Variants in ERP44 observed in about 807,000 individuals in gnomAD.
ERP44 encodes the protein endoplasmic reticulum protein 44.
ERP44 carries 25 observed loss-of-function variants against 53.4 expected under a neutral mutation model. That is an observed-to-expected ratio of 0.47 (90% CI 0.34 to 0.65). The LOEUF (loss-of-function observed/expected upper bound fraction) is 0.65. Ranked by LOEUF, ERP44 falls within the 30% of genes least tolerant of loss-of-function variation. ERP44 has a pLI of 0.01. For missense variants in ERP44, 338 were observed against 493.2 expected (o/e 0.69, Z 2.98); for synonymous variants, 145 against 161.2 (o/e 0.90, Z 0.76).
At chr9:100,093,974 C>T (rs1375749677) in intron 1 of ERP44, among the ~76,000 whole-genome samples, 2 of 152,184 alleles carry the variant, frequency 1.3e-5, no homozygotes, top group African/African-American at 2.4e-5. Flanking sequence ...TTCAAATATA[C>T]AGCAATACCT....
intron 1 of ERP44, among the ~76,000 whole-genome samples, chr9:100,084,815 G>A (rs73656932): frequency 0.013 from 1,982 of 152,202 alleles, 35 homozygotes; most frequent in African/African-American, 0.046. Context: ...ACCACAATCC[G>A]TTTTGCATTA....
At chr9:100,009,276 T>C (rs1296475642) in intron 8 of ERP44, among the ~76,000 whole-genome samples, 1 of 152,128 alleles carries the variant, frequency 6.6e-6, no homozygotes. Flanking sequence ...CATGCCCAGC[T>C]AATTTTTTTG....
chr9:100,030,584 G>T (rs1461137912), intron 4 of ERP44, among the ~76,000 whole-genome samples: 3 of 152,170 alleles, frequency 2.0e-5, no homozygotes, highest in African/African-American at 4.8e-5. Flanking sequence ...ACTCAGTAAA[G>T]TTCCTCTCAG....
At chr9:100,013,125 G>A (rs1830493004) in intron 8 of ERP44, among the ~76,000 whole-genome samples, 1 of 152,188 alleles carries the variant, frequency 6.6e-6, no homozygotes, top group Non-Finnish European at 1.5e-5. Context: ...CTAAGAGCTG[G>A]AAGCCTCTGG....
intron 10 of ERP44, among the ~76,000 whole-genome samples, chr9:99,995,125 T>TA (rs926840634): frequency 7.6e-4 from 113 of 148,188 alleles, no homozygotes; most frequent in African/African-American, 2.0e-3. Context: ...AAATGGAACT[T>TA]AAAAAAAAAA....
intron 11 of ERP44, 90 bp downstream of exon 11, chr9:99,984,877 C>G: frequency 4.4e-6 from 3 of 688,376 alleles, no homozygotes; most frequent in Non-Finnish European, 2.5e-6. Context: ...AGCTGAAGCT[C>G]AAGCTGATGC....
chr9:99,987,794 G>A (rs990789566), intron 10 of ERP44, among the ~76,000 whole-genome samples: 1 of 150,002 alleles, frequency 6.7e-6, no homozygotes, highest in Non-Finnish European at 1.5e-5. Flanking sequence ...TGGCATTATT[G>A]CATTTGGGAT....
At chr9:99,988,147 T>A (rs954939060) in intron 10 of ERP44, among the ~76,000 whole-genome samples, 1 of 152,230 alleles carries the variant, frequency 6.6e-6, no homozygotes, top group African/African-American at 2.4e-5. Flanking sequence ...AGTATTTTAA[T>A]TTAGGCATTC....
chr9:99,998,078 TG>T (rs1830332767), intron 10 of ERP44, among the ~76,000 whole-genome samples: 1 of 152,220 alleles, frequency 6.6e-6, no homozygotes, highest in Non-Finnish European at 1.5e-5. Flanking sequence ...CAAATACTAG[TG>T]TATAACAGGA....
intron 1 of ERP44, among the ~76,000 whole-genome samples, chr9:100,079,191 G>A (rs879743613): frequency 3.3e-5 from 5 of 152,136 alleles, no homozygotes; most frequent in Non-Finnish European, 7.4e-5. Flanking sequence ...TGCCAGCATG[G>A]CCAGGACATA....
chr9:99,999,027 C>T, intron 10 of ERP44: 1 of 936,306 alleles, frequency 1.1e-6, no homozygotes. Flanking sequence ...GCGGGCGCAG[C>T]TGCTCCTTGG....
At chr9:100,020,585 C>A (rs1357055905) in intron 6 of ERP44, 31 bp downstream of exon 6, 1 of 1,126,596 alleles carries the variant, frequency 8.9e-7, no homozygotes, top group Non-Finnish European at 1.3e-6. Flanking sequence ...GCCAACCAAC[C>A]CACTAACACA....
chr9:99,998,272 G>A (rs1055807113), intron 10 of ERP44: 1 of 337,360 alleles, frequency 3.0e-6, no homozygotes, highest in Non-Finnish European at 5.8e-6. Context: ...ACCCTCGCTC[G>A]TCCACGGAGG....
At position 100,093,670 on chromosome 9, in the gene ERP44, G is replaced by C. The variant is rs552177766; in HGVS notation, c.57+5114C>G. Among the ~76,000 whole-genome samples, 21 of 152,124 alleles carry C rather than the reference G, an allele frequency of 1.4e-4. No homozygotes were observed. The South Asian group carries it at 4.2e-3, about 30-fold the overall frequency. On this transcript the variant is annotated intron_variant, in intron 1 of 11. Coordinates refer to ENST00000262455, the MANE Select transcript of ERP44 (RefSeq NM_015051.3). ...GGGGGGGAAAAAAAAAGAACTGTGT[G>C]TGTCTGTGTCTATATAGTCTAGAAA... is the stretch of plus-strand genomic sequence containing the variant.
intron 1 of ERP44, among the ~76,000 whole-genome samples, chr9:100,066,134 G>C (rs1301410513): frequency 6.6e-6 from 1 of 152,138 alleles, no homozygotes; most frequent in Admixed American, 6.5e-5. Context: ...TACTGTTTTG[G>C]AAAGCAATTT....
intron 8 of ERP44, among the ~76,000 whole-genome samples, chr9:100,014,389 A>G (rs1404109637): frequency 6.6e-6 from 1 of 152,012 alleles, no homozygotes; most frequent in African/African-American, 2.4e-5. Flanking sequence ...GATTCAAGTG[A>G]TTCTCCTGCC....
chr9:100,048,899 T>C (rs1826006564), intron 4 of ERP44, among the ~76,000 whole-genome samples: 1 of 152,132 alleles, frequency 6.6e-6, no homozygotes, highest in Admixed American at 6.5e-5. Flanking sequence ...TTAACGGGTG[T>C]AGAGCTTCAG....
At chr9:100,013,737 A>G (rs986979011) in intron 8 of ERP44, among the ~76,000 whole-genome samples, 5 of 152,252 alleles carry the variant, frequency 3.3e-5, no homozygotes, top group African/African-American at 1.2e-4. Flanking sequence ...AAAAACTGGT[A>G]TCCACTAAAA....
chr9:100,076,451 C>T (rs554201749), intron 1 of ERP44, among the ~76,000 whole-genome samples: 24 of 152,302 alleles, frequency 1.6e-4, no homozygotes, highest in Non-Finnish European at 2.6e-4. Flanking sequence ...GATGGTTCTG[C>T]ATGATATGCA....
Sources: gnomAD v4.1 joint callset for allele counts (sites outside exome capture counted in the v4.1 genomes callset) on GRCh38, gnomAD v4.1.1 for gene constraint, MANE v1.5 for transcripts, NCBI Gene and HGNC (gene_info 2026-07-23, HGNC 2026-07-21) for gene names.